Variants in DENND4C observed in about 807,000 individuals in gnomAD.
DENND4C encodes the protein DENN domain-containing protein 4C.
DENND4C carries 108 observed loss-of-function variants against 203.0 expected under a neutral mutation model. The ratio of observed to expected loss-of-function variants is 0.53; its 90% CI spans 0.46 to 0.62. The LOEUF (loss-of-function observed/expected upper bound fraction) is 0.62, where lower values mean the gene tolerates loss of function less well. Among genes scored for constraint, DENND4C ranks in the 20% least tolerant of loss-of-function variants. The pLI, the probability that DENND4C is intolerant of heterozygous loss-of-function variation, is 0.00. For synonymous variants in DENND4C, 871 were observed against 792.4 expected, an observed-to-expected ratio of 1.10 and a Z score of -1.67; for missense variants, 2,481 against 2,301.2, an observed-to-expected ratio of 1.08 and a Z score of -1.60.
At chr9:19,343,500 C>T (rs1353148501) in intron 22 of DENND4C, among the ~76,000 whole-genome samples, 1 of 152,288 alleles carries the variant, frequency 6.6e-6, no homozygotes, top group East Asian at 1.9e-4. Flanking sequence ...TATGACTGTA[C>T]AGAAATTAAT....
intron 1 of DENND4C, among the ~76,000 whole-genome samples, chr9:19,245,663 T>C (rs1448757358): frequency 6.6e-6 from 1 of 152,068 alleles, no homozygotes; most frequent in Non-Finnish European, 1.5e-5. Context: ...GAGATTAGCC[T>C]GGCCAACGTG....
intron 30 of DENND4C, among the ~76,000 whole-genome samples, chr9:19,364,437 A>G (rs1827177871): frequency 6.6e-6 from 1 of 152,254 alleles, no homozygotes; most frequent in Non-Finnish European, 1.5e-5. Context: ...ATAGAAATAC[A>G]GTACACAGCT....
At chr9:19,265,217 A>G (rs912190869) in intron 1 of DENND4C, among the ~76,000 whole-genome samples, 3 of 151,710 alleles carry the variant, frequency 2.0e-5, no homozygotes, top group Non-Finnish European at 2.9e-5. Context: ...AGGTTCTACC[A>G]TGTTGTCCAG....
intron 20 of DENND4C, 141 bp from the exon 21 acceptor site, chr9:19,340,851 T>C (rs1821455262): frequency 1.6e-6 from 1 of 617,182 alleles, no homozygotes; most frequent in African/African-American, 1.9e-5. Context: ...TTTTAAAATG[T>C]TCTGTGTTCC....
Position 19,372,244 on chromosome 9 carries a change from T to G in DENND4C, c.*71T>G. 6.5e-7 allele frequency: 1 copy of G among 1,546,400 alleles called. No homozygotes were observed. Among genetic ancestry groups the G allele is most frequent in the Non-Finnish European group, 8.7e-7 (1 of 1,146,634 alleles). ...TTTCATCTGGAAACATTCAAGTTTT[T>G]TTTTCCAAATCGTAAGAACTGGTGA... On this transcript the variant is annotated 3_prime_UTR_variant, in exon 33 of 33. Coordinates refer to ENST00000434457, the MANE Select transcript of DENND4C (RefSeq NM_001330640.2).
chr9:19,250,694 A>G (rs1202820993), intron 1 of DENND4C, among the ~76,000 whole-genome samples: 1 of 152,204 alleles, frequency 6.6e-6, no homozygotes, highest in Non-Finnish European at 1.5e-5. Context: ...GCCATTTCAA[A>G]TGGGAGAAAT....
chr9:19,341,075 G>A lies in DENND4C; in HGVS notation c.2965G>A (p.Ala989Thr), dbSNP rs375497484. Residue 989 changes from alanine (A) to threonine (T), a missense_variant, in exon 21 of 33, where the codon GCA (alanine) becomes ACA (threonine). By Grantham distance (58) the Ala-to-Thr change is moderately conservative. This residue lies in a region of DENND4C where 2,289 missense variants were observed against 2,113.3 expected (regional missense o/e 1.08). Transcript: ENST00000434457. The part of the protein sequence containing the change: ...AEIHVPEEQA[A>T]RELITKTKMQ... The stretch of plus-strand genomic sequence containing the variant: ...AATTCATGTGCCTGAAGAACAGGCA[G>A]CAAGAGAATTGATAACTAAAACAAA... The A allele has an allele frequency of 2.2e-5, 35 of 1,612,482 alleles. No homozygotes were observed. The highest frequency in any genetic ancestry group is 2.7e-5 in the Non-Finnish European group (32 of 1,179,316).
intron 1 of DENND4C, among the ~76,000 whole-genome samples, chr9:19,238,366 G>C (rs1454691233): frequency 6.6e-6 from 1 of 151,684 alleles, no homozygotes; most frequent in African/African-American, 2.4e-5. Context: ...ACAGATGTGA[G>C]CCACTGCGCC....
intron 10 of DENND4C, among the ~76,000 whole-genome samples, chr9:19,307,305 A>G (rs1382196389): frequency 2.0e-5 from 3 of 150,952 alleles, no homozygotes; most frequent in Admixed American, 6.6e-5. Flanking sequence ...TGAGGAGGAA[A>G]GATCACTGTA....
intron 1 of DENND4C, among the ~76,000 whole-genome samples, chr9:19,235,549 A>G (rs1040627718): frequency 4.7e-5 from 7 of 150,252 alleles, no homozygotes; most frequent in Admixed American, 6.7e-5. Flanking sequence ...TCTTTGTTTC[A>G]TTCAAACCTA....
At chr9:19,339,490 G>T (rs926204264) in intron 20 of DENND4C, among the ~76,000 whole-genome samples, 1 of 151,974 alleles carries the variant, frequency 6.6e-6, no homozygotes, top group Non-Finnish European at 1.5e-5. Flanking sequence ...TGCATCCATG[G>T]GTGTGCTACG....
chr9:19,273,448 TC>T (rs1184914177), intron 1 of DENND4C, among the ~76,000 whole-genome samples: 1 of 151,942 alleles, frequency 6.6e-6, no homozygotes, highest in Non-Finnish European at 1.5e-5. Flanking sequence ...AAATTGGAGT[TC>T]ATCAAAAACC....
intron 2 of DENND4C, among the ~76,000 whole-genome samples, chr9:19,278,576 A>G (rs1833388657): frequency 6.6e-6 from 1 of 152,228 alleles, no homozygotes; most frequent in African/African-American, 2.4e-5. Flanking sequence ...GGAATCCACG[A>G]AGGAGTGTGT....
chr9:19,302,839 C>G (rs1838866685), intron 9 of DENND4C, among the ~76,000 whole-genome samples: 1 of 152,134 alleles, frequency 6.6e-6, no homozygotes, highest in South Asian at 2.1e-4. Flanking sequence ...CATTAAAGCA[C>G]TCTTCTCTTA....
chr9:19,313,426 T>A (rs978094659), intron 10 of DENND4C, among the ~76,000 whole-genome samples: 15 of 152,198 alleles, frequency 9.9e-5, no homozygotes, highest in Non-Finnish European at 1.5e-4. Context: ...AGTTGACTGA[T>A]GTATACAAAC....
chr9:19,252,481 C>T (rs1327355887), intron 1 of DENND4C, among the ~76,000 whole-genome samples: 1 of 152,024 alleles, frequency 6.6e-6, no homozygotes, highest in African/African-American at 2.4e-5. Flanking sequence ...CATCAGGAGG[C>T]TGAAATGGGA....
chr9:19,246,067 A>T (rs1825177045), intron 1 of DENND4C, among the ~76,000 whole-genome samples: 1 of 151,620 alleles, frequency 6.6e-6, no homozygotes, highest in Admixed American at 6.6e-5. Flanking sequence ...CTCCTCATAT[A>T]TTCTCTTCTT....
intron 1 of DENND4C, among the ~76,000 whole-genome samples, chr9:19,258,886 C>T (rs1166406088): frequency 6.6e-6 from 1 of 151,994 alleles, no homozygotes; most frequent in Non-Finnish European, 1.5e-5. Flanking sequence ...AACTCCTGAC[C>T]TCAGGTGATT....
intron 1 of DENND4C, among the ~76,000 whole-genome samples, chr9:19,231,572 G>A (rs1031136227): frequency 6.7e-6 from 1 of 149,990 alleles, no homozygotes; most frequent in African/African-American, 2.5e-5. Flanking sequence ...TTTTCTGCTT[G>A]ATAGACCTTT....
Sources: allele counts gnomAD v4.1 joint callset (sites outside exome capture counted in the v4.1 genomes callset), GRCh38; gene constraint gnomAD v4.1.1; regional missense constraint gnomAD v4.1.1; transcripts MANE v1.5; gene names NCBI Gene and HGNC (gene_info 2026-07-23, HGNC 2026-07-21).